The following BMPR1B variants were observed in gnomAD, a reference collection of about 807,000 sequenced individuals.
The protein encoded by BMPR1B is bone morphogenetic protein receptor type-1B.
A neutral mutation model predicts 59.1 loss-of-function variants in BMPR1B; 12 were observed. That is an observed-to-expected ratio of 0.20 (90% confidence interval 0.13 to 0.33). The LOEUF (loss-of-function observed/expected upper bound fraction) is 0.33. BMPR1B is among the 10% of genes least tolerant of loss of function. The pLI is 1.00. For synonymous variants in BMPR1B, 237 were observed against 207.3 expected (o/e 1.14, Z -1.23); for missense variants, 550 against 610.9 (o/e 0.90, Z 1.05).
chr4:94,827,750 T>C (rs1291704502), intron 1 of BMPR1B, among the ~76,000 whole-genome samples: 1 of 152,178 alleles, frequency 6.6e-6, no homozygotes, highest in Non-Finnish European at 1.5e-5. Context: ...TTTAAATATT[T>C]ATTTATTTTC....
intron 1 of BMPR1B, among the ~76,000 whole-genome samples, chr4:94,841,509 G>A (rs566448910): frequency 1.3e-5 from 2 of 152,276 alleles, no homozygotes; most frequent in East Asian, 1.9e-4. Context: ...TATTTGGGTG[G>A]GAGTGACCCG....
At chr4:94,790,438 G>C (rs1722936126) in intron 1 of BMPR1B, among the ~76,000 whole-genome samples, 1 of 152,160 alleles carries the variant, frequency 6.6e-6, no homozygotes, top group Non-Finnish European at 1.5e-5. Context: ...GGGGTGTTGG[G>C]GTTCTGGAGG....
In BMPR1B at chr4:95,119,000, T is replaced by C. The variant is rs535070481; in HGVS notation, c.349+3213T>C. Among the ~76,000 whole-genome samples the C allele has an allele frequency of 2.2e-4, 34 of 152,276 alleles. No homozygotes were observed. In the South Asian group the frequency reaches 6.8e-3, roughly 31 times the overall value. On this transcript the variant is annotated intron_variant, in intron 6 of 12. Transcript: ENST00000515059. ...ATCAGAAATATAATAAGATAAGTAATACACAGTGTTCTTGCAGCTCAGGGT... is the reference window on the plus strand; with the variant it reads ...ATCAGAAATATAATAAGATAAGTAACACACAGTGTTCTTGCAGCTCAGGGT...
intron 1 of BMPR1B, among the ~76,000 whole-genome samples, chr4:94,763,491 C>T (rs1035087439): frequency 1.3e-5 from 2 of 152,004 alleles, no homozygotes; most frequent in African/African-American, 2.4e-5. Flanking sequence ...CTGCATGTGG[C>T]GTCAGCTTTG....
chr4:94,991,099 AT>A (rs1721726524), intron 2 of BMPR1B, among the ~76,000 whole-genome samples: 1 of 152,052 alleles, frequency 6.6e-6, no homozygotes, highest in Non-Finnish European at 1.5e-5. Flanking sequence ...TCTCTTTCAT[AT>A]TTAATCTTTC....
At position 95,012,833 on chromosome 4, in the gene BMPR1B, A is replaced by C. The variant is rs117222635; in HGVS notation, c.-18+16699A>C. ...TATTTACACAAAGATGATAAAATAC[A>C]ATAGTACTGAGAAGAAGAAACAAAA... On this transcript the variant is annotated intron_variant, in intron 3 of 12. Transcript: ENST00000515059. Among the ~76,000 whole-genome samples the C allele has an allele frequency of 1.1e-3, 160 of 152,284 alleles. 5 individuals carry two copies. The East Asian group carries it at 0.028, about 27-fold the overall frequency.
chr4:94,976,446 T>C (rs1331741963), intron 2 of BMPR1B, among the ~76,000 whole-genome samples: 6 of 152,182 alleles, frequency 3.9e-5, no homozygotes, highest in Non-Finnish European at 8.8e-5. Flanking sequence ...CAGGAAAATA[T>C]AATCTGCCAC....
chr4:95,127,593 A>G (rs1044958890), intron 8 of BMPR1B, among the ~76,000 whole-genome samples: 7 of 152,040 alleles, frequency 4.6e-5, no homozygotes, highest in African/African-American at 1.7e-4. Context: ...TTCCTCTCAA[A>G]TGAGTGATTT....
At chr4:94,852,008 G>A (rs1725584959) in intron 1 of BMPR1B, among the ~76,000 whole-genome samples, 1 of 152,208 alleles carries the variant, frequency 6.6e-6, no homozygotes, top group Non-Finnish European at 1.5e-5. Flanking sequence ...CTTACATTGT[G>A]TAGATTGGAA....
intron 1 of BMPR1B, among the ~76,000 whole-genome samples, chr4:94,872,676 C>T (rs1178645259): frequency 6.6e-6 from 1 of 152,090 alleles, no homozygotes; most frequent in Non-Finnish European, 1.5e-5. Flanking sequence ...TGAGCCTGTG[C>T]CACTGCACGC....
In BMPR1B at chr4:94,758,068, G is replaced by A. The variant is rs1434154165; in HGVS notation, c.-183G>A. 7 of 148,318 alleles carry A rather than the reference G, an allele frequency of 4.7e-5. No individual in the cohort carries two copies. The highest frequency in any genetic ancestry group is 1.7e-4 in the African/African-American group (7 of 40,972). 9.2% of individuals were successfully genotyped at this position (148,318 alleles called of 1,614,324 possible). ...CGCGGGAGCCGGGAGCGCAGCCGCG[G>A]GTAAGGCGCGCGCGGCGGGGCCCCG... On this transcript the variant is annotated splice_region_variant and 5_prime_UTR_variant, in exon 1 of 13. Coordinates refer to ENST00000515059, the MANE Select transcript of BMPR1B (RefSeq NM_001203.3).
intron 7 of BMPR1B, among the ~76,000 whole-genome samples, chr4:95,124,705 G>A (rs1198024873): frequency 6.6e-6 from 1 of 151,902 alleles, no homozygotes; most frequent in Non-Finnish European, 1.5e-5. Flanking sequence ...AGTCTGCTTG[G>A]ATATGTGCAA....
chr4:95,155,751 T>C lies in BMPR1B; in HGVS notation c.*1078T>C, dbSNP rs1411075202. 1 of 152,138 alleles carries C rather than the reference T, an allele frequency of 6.6e-6. No homozygotes were observed. Among genetic ancestry groups the C allele is most frequent in the Admixed American group, 6.5e-5 (1 of 15,276 alleles). The allele number at this position is 152,138 out of a possible 1,614,324, so 9.4% of individuals were successfully genotyped here. A position where few individuals can be genotyped will look rare whatever the true frequency, so the allele number is the denominator to read the frequency against. ...CAAAGAAAAAAGTGTGCATACCTTATTTTGTACAGATAAAGATGATGTCTT... is the reference window on the plus strand; with the variant it reads ...CAAAGAAAAAAGTGTGCATACCTTACTTTGTACAGATAAAGATGATGTCTT... On this transcript the variant is annotated 3_prime_UTR_variant, in exon 13 of 13. Coordinates refer to ENST00000515059, the MANE Select transcript of BMPR1B (RefSeq NM_001203.3).
At chr4:94,799,303 G>GTT (rs781266058) in intron 1 of BMPR1B, among the ~76,000 whole-genome samples, 4 of 139,020 alleles carry the variant, frequency 2.9e-5, no homozygotes, top group African/African-American at 5.3e-5. Flanking sequence ...TTGGGTGACT[G>GTT]TTTTTTTTTT....
At chr4:94,854,217 G>T (rs1725670339) in intron 1 of BMPR1B, among the ~76,000 whole-genome samples, 1 of 151,996 alleles carries the variant, frequency 6.6e-6, no homozygotes, top group African/African-American at 2.4e-5. Flanking sequence ...ATGCTCTACT[G>T]TAATTGTACC....
At chr4:94,846,291 T>C (rs932303048) in intron 1 of BMPR1B, among the ~76,000 whole-genome samples, 2 of 152,210 alleles carry the variant, frequency 1.3e-5, no homozygotes, top group African/African-American at 4.8e-5. Flanking sequence ...TTCCTATCTC[T>C]GATCATATAT....
chr4:94,999,214 C>T (rs1287166544), intron 3 of BMPR1B, among the ~76,000 whole-genome samples: 1 of 151,994 alleles, frequency 6.6e-6, no homozygotes, highest in East Asian at 1.9e-4. Flanking sequence ...TCCCCAAGAC[C>T]TAGCATATAA....
intron 2 of BMPR1B, among the ~76,000 whole-genome samples, chr4:94,922,456 C>A (rs1728739726): frequency 6.6e-6 from 1 of 152,054 alleles, no homozygotes; most frequent in South Asian, 2.1e-4. Flanking sequence ...ATATAAAGTG[C>A]AAAATTAGTT....
In BMPR1B at chr4:94,759,609, T is replaced by C. The variant is rs188559656; in HGVS notation, c.-183+1541T>C. Among the ~76,000 whole-genome samples, 7 of 152,338 alleles carry C rather than the reference T, an allele frequency of 4.6e-5. No homozygotes were observed. The East Asian group carries it at 1.4e-3, about 29-fold the overall frequency. On this transcript the variant is annotated intron_variant, in intron 1 of 12. Transcript: ENST00000515059. ...TGTTAGTATTTAAGAAAATATTCAG[T>C]CTTTGTACTTTATACCCCTTTACAC...
Sources: gnomAD v4.1 joint callset for allele counts (sites outside exome capture counted in the v4.1 genomes callset) on GRCh38, gnomAD v4.1.1 for gene constraint, MANE v1.5 for transcripts, NCBI Gene and HGNC (gene_info 2026-07-23, HGNC 2026-07-21) for gene names.